The following PRPSAP1 variants were observed in gnomAD, a reference collection of about 807,000 sequenced individuals.
PRPSAP1 encodes the protein phosphoribosyl pyrophosphate synthetase associated protein 1, also known as phosphoribosyl pyrophosphate synthase-associated protein 1.
A neutral mutation model predicts 39.4 loss-of-function variants in PRPSAP1; 31 were observed. That is an observed-to-expected ratio of 0.79 (90% CI 0.59 to 1.06). PRPSAP1 has a LOEUF of 1.06. PRPSAP1 is among the 50% of genes least tolerant of loss of function. The pLI is 0.00. For missense variants in PRPSAP1, 430 were observed against 511.6 expected, an observed-to-expected ratio of 0.84 and a Z score of 1.54; for synonymous variants, 212 against 192.6, an observed-to-expected ratio of 1.10 and a Z score of -0.83.
chr17:76,325,984 C>T (rs2071252678), intron 7 of PRPSAP1, among the ~76,000 whole-genome samples: 1 of 152,056 alleles, frequency 6.6e-6, no homozygotes, highest in Non-Finnish European at 1.5e-5. Context: ...TGATATTGAG[C>T]ATTTAACAGA....
intron 3 of PRPSAP1, 73 bp from the exon 4 acceptor site, chr17:76,332,508 A>C: frequency 6.5e-7 from 1 of 1,548,588 alleles, no homozygotes; most frequent in Non-Finnish European, 8.8e-7. Flanking sequence ...GACTTTATCA[A>C]CTTAACATGG....
intron 3 of PRPSAP1, among the ~76,000 whole-genome samples, chr17:76,341,523 T>C (rs2071438748): frequency 1.3e-5 from 2 of 152,290 alleles, no homozygotes. Flanking sequence ...ATTACAGGTG[T>C]GAGTCACTGT....
At chr17:76,315,766 G>A (rs574283504) in intron 7 of PRPSAP1, among the ~76,000 whole-genome samples, 29 of 133,582 alleles carry the variant, frequency 2.2e-4, no homozygotes, top group African/African-American at 7.2e-4. Flanking sequence ...CCAGGCTGGA[G>A]TGCAGTGGCA....
intron 2 of PRPSAP1, among the ~76,000 whole-genome samples, chr17:76,345,052 A>G (rs1389617969): frequency 5.9e-5 from 9 of 151,706 alleles, no homozygotes; most frequent in Admixed American, 6.6e-5. Flanking sequence ...TGGCTAACAC[A>G]GTGAAACCCC....
intron 7 of PRPSAP1, among the ~76,000 whole-genome samples, chr17:76,315,744 T>C (rs936312684): frequency 2.4e-5 from 3 of 124,196 alleles, no homozygotes; most frequent in African/African-American, 9.4e-5. Context: ...AGACAGAGTC[T>C]CACTCTGTCT....
chr17:76,323,392 G>C (rs1487910248), intron 7 of PRPSAP1, among the ~76,000 whole-genome samples: 1 of 150,872 alleles, frequency 6.6e-6, no homozygotes, highest in Non-Finnish European at 1.5e-5. Flanking sequence ...CATAGATAGT[G>C]ATTCCTCTGA....
chr17:76,319,651 T>C (rs1900293339), intron 7 of PRPSAP1, among the ~76,000 whole-genome samples: 2 of 151,810 alleles, frequency 1.3e-5, no homozygotes, highest in Admixed American at 1.3e-4. Context: ...GTAATTTTAG[T>C]AGAGACGGGG....
At chr17:76,353,427 G>A (rs2071601696) in intron 1 of PRPSAP1, 107 bp downstream of exon 1, 2 of 1,145,326 alleles carry the variant, frequency 1.7e-6, no homozygotes, top group East Asian at 3.2e-5. Flanking sequence ...CGCGCCTCCC[G>A]CCCCAGGTGC....
chr17:76,332,354 G>A lies in PRPSAP1; in HGVS notation c.372C>T (p.Val124=). Residue 124 remains valine, a synonymous_variant, in exon 4 of 10, where the codon GTC becomes GTT. Transcript: ENST00000446526. ...KTACARNIIG[V]IPYFPYSKQS... The stretch of plus-strand genomic sequence containing the variant: ...GCTTGCTGTAGGGGAAGTAGGGGAT[G>A]ACCCCAATAATGTTCCTGGCACAGG... 3.1e-6 allele frequency: 5 copies of A among 1,614,198 alleles called. No homozygotes were observed. The highest frequency in any genetic ancestry group is 1.6e-4 in the Middle Eastern group (1 of 6,062).
At chr17:76,316,885 C>T (rs533312499) in intron 7 of PRPSAP1, among the ~76,000 whole-genome samples, 25 of 152,336 alleles carry the variant, frequency 1.6e-4, no homozygotes, top group African/African-American at 6.0e-4. Flanking sequence ...GCTTCCATCA[C>T]AAGTACAAGC....
intron 7 of PRPSAP1, among the ~76,000 whole-genome samples, chr17:76,327,511 G>A (rs1417595274): frequency 2.6e-5 from 4 of 151,908 alleles, no homozygotes; most frequent in Admixed American, 1.3e-4. Context: ...AAATTAGCTC[G>A]GCGTGTTGGC....
At chr17:76,321,676 G>C (rs753189045) in intron 7 of PRPSAP1, among the ~76,000 whole-genome samples, 2 of 152,130 alleles carry the variant, frequency 1.3e-5, no homozygotes, top group African/African-American at 2.4e-5. Flanking sequence ...TGGCCTCTAA[G>C]TGTTTAAGTG....
rs745777762 is a variant in PRPSAP1, at chr17:76,328,862, C to G, written c.636G>C (p.Arg212Ser). The G allele has an allele frequency of 6.2e-7, 1 of 1,607,110 alleles. No homozygotes were observed. Among genetic ancestry groups the G allele is most frequent in the South Asian group, 1.1e-5 (1 of 90,146 alleles). ...IVAKSPDAAK[R>S]AQSYAERLRL... ...GCAGTCTCTCCGCATAGGACTGGGC[C>G]CTAGAAGGACAAAGGGAAATGGTGA... The change falls in exon 7 of 10, where the codon AGG becomes AGC. Residue 212 changes from arginine to serine, a missense_variant and splice_region_variant. Arg to Ser is a moderately radical substitution (Grantham distance 110, BLOSUM62 -1). Coordinates refer to ENST00000446526, the MANE Select transcript of PRPSAP1 (RefSeq NM_002766.3).
At chr17:76,338,987 C>T (rs2071407039) in intron 3 of PRPSAP1, among the ~76,000 whole-genome samples, 2 of 149,970 alleles carry the variant, frequency 1.3e-5, no homozygotes, top group African/African-American at 2.5e-5. Flanking sequence ...GAGCCAAGGT[C>T]ACACCACTGC....
intron 1 of PRPSAP1, among the ~76,000 whole-genome samples, chr17:76,352,066 TA>T (rs963365656): frequency 1.7e-4 from 24 of 142,756 alleles, no homozygotes; most frequent in Non-Finnish European, 1.4e-4. Context: ...CTCCAACTAT[TA>T]AAAAAAAAAA....
Position 76,344,699 on chromosome 17 carries a change from C to G in PRPSAP1, c.262G>C (p.Asp88His). 6.3e-7 allele frequency: 1 copy of G among 1,583,138 alleles called. No homozygotes were observed. Among genetic ancestry groups the G allele is most frequent in the Non-Finnish European group, 8.6e-7 (1 of 1,160,302 alleles). Reference sequence around the variant, plus strand: ...GGTATTGTCTGTATAATGAAAATATCTTGGCCACGAACAGATTCTTTTATT... The same window carrying G: ...GGTATTGTCTGTATAATGAAAATATGTTGGCCACGAACAGATTCTTTTATT... Reference protein sequence around the residue: ...VEIKESVRGQDIFIIQTIPRD... With the variant: ...VEIKESVRGQHIFIIQTIPRD... The change falls in exon 3 of 10, where the codon GAT becomes CAT. Residue 88 changes from aspartate to histidine, a missense_variant. Coordinates refer to ENST00000446526, the MANE Select transcript of PRPSAP1 (RefSeq NM_002766.3).
At chr17:76,342,709 C>A (rs1160303442) in intron 3 of PRPSAP1, among the ~76,000 whole-genome samples, 3 of 150,052 alleles carry the variant, frequency 2.0e-5, no homozygotes, top group African/African-American at 7.4e-5. Flanking sequence ...CACAGCAAGA[C>A]CCTGTCTCAA....
rs2071051249 is a variant in PRPSAP1, at chr17:76,309,889, C to T, written c.*1653G>A. 1 of 152,056 alleles carries T rather than the reference C, an allele frequency of 6.6e-6. No individual in the cohort carries two copies. Among genetic ancestry groups the T allele is most frequent in the African/African-American group, 2.4e-5 (1 of 41,364 alleles). The allele number at this position is 152,056 out of a possible 1,614,324, so 9.4% of individuals were successfully genotyped here. ...ATTTTTCACTTCAGCCTGAGAGGTA[C>T]TGTTTATTTAATTGAAGGATTTTCG... On this transcript the variant is annotated 3_prime_UTR_variant, in exon 10 of 10. Transcript: ENST00000446526.
At chr17:76,350,888 G>A (rs962869507) in intron 1 of PRPSAP1, among the ~76,000 whole-genome samples, 8 of 151,794 alleles carry the variant, frequency 5.3e-5, no homozygotes, top group Non-Finnish European at 1.2e-4. Flanking sequence ...CAAAATTAGC[G>A]GGGTGTGGTG....
Sources: gnomAD v4.1 joint callset for allele counts (sites outside exome capture counted in the v4.1 genomes callset) on GRCh38, gnomAD v4.1.1 for gene constraint, MANE v1.5 for transcripts, NCBI Gene and HGNC (gene_info 2026-07-23, HGNC 2026-07-21) for gene names.